Variants in KATNA1 observed in about 807,000 individuals in gnomAD.
The protein encoded by KATNA1 is katanin catalytic subunit A1, also known as katanin p60 ATPase-containing subunit A1.
KATNA1 carries 42 observed loss-of-function variants against 62.6 expected under a neutral mutation model. The ratio of observed to expected loss-of-function variants is 0.67; its 90% CI spans 0.52 to 0.87. KATNA1 has a LOEUF of 0.87. Ranked by LOEUF, KATNA1 falls within the 40% of genes least tolerant of loss-of-function variation. The pLI is 0.00. For synonymous variants in KATNA1, 186 were observed against 201.9 expected, an observed-to-expected ratio of 0.92 and a Z score of 0.67; for missense variants, 498 against 612.5, an observed-to-expected ratio of 0.81 and a Z score of 1.97.
intron 2 of KATNA1, 39 bp from the exon 3 acceptor site, chr6:149,632,955 A>G: frequency 6.6e-7 from 1 of 1,514,754 alleles, no homozygotes; most frequent in Non-Finnish European, 8.9e-7. Context: ...AAATTTCTAT[A>G]ATATATCACT....
At chr6:149,628,587 C>T (rs1371963251) in intron 3 of KATNA1, among the ~76,000 whole-genome samples, 1 of 151,658 alleles carries the variant, frequency 6.6e-6, no homozygotes, top group Non-Finnish European at 1.5e-5. Context: ...TTTGGGAGGC[C>T]AAGGCAGGTG....
chr6:149,611,567 A>C (rs138606420), intron 4 of KATNA1, among the ~76,000 whole-genome samples: 24 of 152,282 alleles, frequency 1.6e-4, no homozygotes, highest in African/African-American at 5.8e-4. Flanking sequence ...AAATTCAATG[A>C]AACAAAGGAG....
At chr6:149,622,255 C>T (rs1438513012) in intron 4 of KATNA1, among the ~76,000 whole-genome samples, 1 of 152,016 alleles carries the variant, frequency 6.6e-6, no homozygotes, top group Admixed American at 6.6e-5. Flanking sequence ...GCCTCAGCCT[C>T]CTGAGTAGCT....
At chr6:149,640,046 G>C (rs1025358258) in intron 1 of KATNA1, among the ~76,000 whole-genome samples, 1 of 152,118 alleles carries the variant, frequency 6.6e-6, no homozygotes, top group African/African-American at 2.4e-5. Flanking sequence ...CCTTAATCAA[G>C]TCCCTTAACT....
At chr6:149,618,058 G>A (rs1216120532) in intron 4 of KATNA1, among the ~76,000 whole-genome samples, 1 of 149,268 alleles carries the variant, frequency 6.7e-6, no homozygotes, top group African/African-American at 2.4e-5. Flanking sequence ...GGCAGGCTGA[G>A]GCAGGAGGAT....
intron 4 of KATNA1, among the ~76,000 whole-genome samples, chr6:149,613,206 A>AAAAAT (rs1779030843): frequency 7.0e-6 from 1 of 142,760 alleles, no homozygotes; most frequent in African/African-American, 2.7e-5. Flanking sequence ...AAAAAAAAAA[A>AAAAAT]AAAAAAAAAA....
intron 3 of KATNA1, among the ~76,000 whole-genome samples, chr6:149,627,527 CAAAAAAAAAAA>C (rs796916643): frequency 1.4e-5 from 1 of 69,582 alleles, no homozygotes. Context: ...GACTCCATCT[CAAAAAAAAAAA>C]AAAAAAAAAA....
At chr6:149,636,678 G>C (rs1259742044) in intron 2 of KATNA1, among the ~76,000 whole-genome samples, 2 of 150,248 alleles carry the variant, frequency 1.3e-5, no homozygotes, top group Admixed American at 6.7e-5. Flanking sequence ...GTCTTGCTCT[G>C]TTGCCAGGCT....
intron 2 of KATNA1, among the ~76,000 whole-genome samples, chr6:149,634,648 G>C (rs1304458759): frequency 1.3e-5 from 2 of 152,144 alleles, no homozygotes; most frequent in African/African-American, 4.8e-5. Flanking sequence ...TGGGATTACA[G>C]GTGTGAGCCA....
rs745463006 is a variant in KATNA1 at position 149,604,759 on chromosome 6, T to A, written c.525A>T (p.Thr175=). The part of the protein sequence containing the change: ...EEKNKSPAAV[T]EPETNKFDST... ...TATCAAATTTATTTGTCTCTGGTTC[T>A]GTTACTGCAGCAGGTGATTTGTTCT... Residue 175 remains threonine (T), a synonymous_variant, in exon 5 of 11, where the codon ACA becomes ACT. Coordinates refer to ENST00000367411, the MANE Select transcript of KATNA1 (RefSeq NM_007044.4). 5.0e-6 allele frequency: 8 copies of A among 1,613,704 alleles called. No individual in the cohort carries two copies. In the East Asian group the frequency reaches 1.8e-4, roughly 36 times the overall value.
At chr6:149,641,658 C>T (rs1043654918) in intron 1 of KATNA1, among the ~76,000 whole-genome samples, 2 of 152,226 alleles carry the variant, frequency 1.3e-5, no homozygotes, top group African/African-American at 4.8e-5. Flanking sequence ...ATTAGTTTAC[C>T]TACAATGCAT....
At chr6:149,641,468 G>A (rs934512317) in intron 1 of KATNA1, among the ~76,000 whole-genome samples, 5 of 151,696 alleles carry the variant, frequency 3.3e-5, no homozygotes, top group Non-Finnish European at 5.9e-5. Context: ...GAGCCACAGC[G>A]CCTGGCCTGC....
At chr6:149,633,892 G>T (rs923142224) in intron 2 of KATNA1, among the ~76,000 whole-genome samples, 16 of 152,086 alleles carry the variant, frequency 1.1e-4, no homozygotes, top group African/African-American at 3.4e-4. Flanking sequence ...GGAGGCGGAG[G>T]TTGCGGCAAG....
intron 2 of KATNA1, among the ~76,000 whole-genome samples, chr6:149,636,769 T>G (rs376172503): frequency 6.6e-6 from 1 of 151,740 alleles, no homozygotes; most frequent in Admixed American, 6.6e-5. Context: ...GCCTCCCAAG[T>G]AGCTGACATT....
At chr6:149,602,020 T>C (rs1778565073) in intron 6 of KATNA1, among the ~76,000 whole-genome samples, 1 of 152,206 alleles carries the variant, frequency 6.6e-6, no homozygotes, top group Non-Finnish European at 1.5e-5. Flanking sequence ...CATTAGCATC[T>C]GGATTTATAT....
At chr6:149,625,766 T>A (rs1330047370) in intron 3 of KATNA1, among the ~76,000 whole-genome samples, 1 of 151,880 alleles carries the variant, frequency 6.6e-6, no homozygotes, top group Non-Finnish European at 1.5e-5. Flanking sequence ...AAACCCCGTC[T>A]CTACTAAAAA....
chr6:149,629,040 G>T (rs187849728), intron 3 of KATNA1, among the ~76,000 whole-genome samples: 2 of 152,080 alleles, frequency 1.3e-5, no homozygotes, highest in East Asian at 3.9e-4. Context: ...AAGAAAGCGA[G>T]AAGCAATAAG....
chr6:149,639,159 C>T (rs905970054), intron 1 of KATNA1, among the ~76,000 whole-genome samples: 2 of 151,990 alleles, frequency 1.3e-5, no homozygotes, highest in Non-Finnish European at 2.9e-5. Flanking sequence ...ACTAGCTGGG[C>T]GTGGTGGCAC....
chr6:149,618,267 C>G (rs1004566643), intron 4 of KATNA1, among the ~76,000 whole-genome samples: 1 of 151,622 alleles, frequency 6.6e-6, no homozygotes, highest in African/African-American at 2.4e-5. Flanking sequence ...CACCTGAGGT[C>G]AGGAGTTCAA....
Sources: allele counts gnomAD v4.1 joint callset (sites outside exome capture counted in the v4.1 genomes callset), GRCh38; gene constraint gnomAD v4.1.1; transcripts MANE v1.5; gene names NCBI Gene and HGNC (gene_info 2026-07-23, HGNC 2026-07-21).